MET: variants seen among roughly 807,000 people sequenced by gnomAD.
MET encodes the protein MET proto-oncogene, receptor tyrosine kinase.
Under a neutral mutation model 133.1 loss-of-function variants are expected in MET, and 48 were observed. That is an observed-to-expected ratio of 0.36 (90% CI 0.29 to 0.46). The LOEUF is 0.46. Among genes scored for constraint, MET ranks in the 20% least tolerant of loss-of-function variants. The probability of loss-of-function intolerance (pLI) is 1.00; values close to 1 mark genes in which losing one functional copy is unlikely to be tolerated. For synonymous variants in MET, 628 were observed against 616.5 expected (o/e 1.02, Z -0.28); for missense variants, 1,442 against 1,695.9 (o/e 0.85, Z 2.63).
rs747390610 is a variant in MET at position 116,755,354 on chromosome 7, G to C, written c.1702-1G>C. On this transcript the variant is annotated splice_acceptor_variant, in intron 5 of 20. Transcript: ENST00000397752. LOFTEE classifies it high-confidence loss of function. ...TTAAAAGTTCTATGTTGTCCTTGTA[G>C]GTTTTCCCAAATAGTGCACCCCTTG... 1 of 1,613,926 alleles carries C rather than the reference G, an allele frequency of 6.2e-7. No individual in the cohort carries two copies.
intron 5 of MET, among the ~76,000 whole-genome samples, chr7:116,754,995 A>T: frequency 6.8e-6 from 1 of 146,324 alleles, no homozygotes; most frequent in African/African-American, 2.5e-5. Flanking sequence ...AAAGAAAGAA[A>T]GAAAGAAAGA....
At chr7:116,795,860 T>C (rs1206306034) in intron 20 of MET, 27 bp from the exon 21 acceptor site, 2 of 1,614,096 alleles carry the variant, frequency 1.2e-6, no homozygotes, top group Non-Finnish European at 1.7e-6. Flanking sequence ...AAGGGTCTCT[T>C]ACAGCATGTC....
intron 19 of MET, among the ~76,000 whole-genome samples, chr7:116,785,381 T>A (rs1369656655): frequency 6.6e-6 from 1 of 152,124 alleles, no homozygotes; most frequent in Admixed American, 6.5e-5. Context: ...GGAGCAGGCA[T>A]CTTGCATGGC....
chr7:116,769,885 T>C (rs376745513), intron 12 of MET, 94 bp downstream of exon 12: 3 of 1,571,930 alleles, frequency 1.9e-6, no homozygotes, highest in African/African-American at 1.4e-5. Context: ...AGCTCATTTA[T>C]GTGTGGGTTT....
chr7:116,713,143 C>T (rs1176895443), intron 2 of MET, among the ~76,000 whole-genome samples: 6 of 152,114 alleles, frequency 3.9e-5, no homozygotes, highest in Non-Finnish European at 1.5e-5. Flanking sequence ...CGCCTGTAAT[C>T]CCAGCACTTT....
intron 1 of MET, among the ~76,000 whole-genome samples, chr7:116,679,608 C>G (rs1017801714): frequency 9.2e-5 from 14 of 152,194 alleles, no homozygotes; most frequent in African/African-American, 3.1e-4. Context: ...GCAGCAAGTC[C>G]AAACAGGCTT....
In MET at chr7:116,731,699, C is replaced by T. The variant is rs201154533; in HGVS notation, c.1232C>T (p.Ala411Val). Residue 411 changes from alanine (A) to valine (V), a missense_variant, in exon 3 of 21, where the codon GCG (alanine) becomes GTG (valine). Around this residue, in one of 6 missense-constraint regions of MET, gnomAD observed 762 missense variants for 792.4 expected, o/e 0.96. Transcript: ENST00000397752. ...TLLRNSSGCE[A>V]RRDEYRTEFT... ...CTGAGAAATTCATCAGGCTGTGAAGCGCGCCGTGATGAATATCGAACAGAG... is the reference window on the plus strand; with the variant it reads ...CTGAGAAATTCATCAGGCTGTGAAGTGCGCCGTGATGAATATCGAACAGAG... 9.9e-6 allele frequency: 16 copies of T among 1,613,980 alleles called. No homozygotes were observed. The highest frequency in any genetic ancestry group is 5.3e-5 in the African/African-American group (4 of 74,928).
chr7:116,768,569 TCCCAC>T (rs1794715396), intron 11 of MET, among the ~76,000 whole-genome samples: 1 of 152,200 alleles, frequency 6.6e-6, no homozygotes, highest in South Asian at 2.1e-4. Context: ...AGTATTTTCT[TCCCAC>T]TTCTTTTCCT....
intron 14 of MET, among the ~76,000 whole-genome samples, chr7:116,774,214 A>G (rs993178028): frequency 4.6e-5 from 7 of 152,306 alleles, no homozygotes; most frequent in Middle Eastern, 6.8e-3. Flanking sequence ...TTTGGTTATA[A>G]AGATCAACTT....
intron 3 of MET, among the ~76,000 whole-genome samples, chr7:116,739,301 C>T (rs535011703): frequency 6.6e-6 from 1 of 152,278 alleles, no homozygotes; most frequent in East Asian, 1.9e-4. Context: ...ACCTCATTTC[C>T]CGGGCATTGT....
chr7:116,709,750 C>T (rs928102594), intron 2 of MET, among the ~76,000 whole-genome samples: 10 of 152,090 alleles, frequency 6.6e-5, no homozygotes, highest in Middle Eastern at 3.4e-3. Context: ...TACAAGAGTA[C>T]ACTGTGTATA....
intron 2 of MET, among the ~76,000 whole-genome samples, chr7:116,726,680 C>T (rs1264264681): frequency 3.3e-5 from 5 of 152,284 alleles, no homozygotes; most frequent in African/African-American, 1.2e-4. Context: ...CTCTGAGATT[C>T]ATTGGATGTC....
chr7:116,695,182 G>A (rs1259496902), intron 1 of MET, among the ~76,000 whole-genome samples: 4 of 152,038 alleles, frequency 2.6e-5, no homozygotes, highest in Non-Finnish European at 5.9e-5. Context: ...ATACCATATT[G>A]ATAAGTGCAG....
At position 116,769,745 on chromosome 7, in the gene MET, C is replaced by T. The variant is rs199502137; in HGVS notation, c.2684C>T (p.Thr895Met). 44 of 1,613,542 alleles carry T rather than the reference C, an allele frequency of 2.7e-5. No individual in the cohort carries two copies. In the African/African-American group the frequency reaches 2.9e-4, roughly 11 times the overall value. Reference protein sequence around the residue: ...IHLHSEAVLCTVPNDLLKLNS... With the variant: ...IHLHSEAVLCMVPNDLLKLNS... ...TTACATTCTGAAGCCGTTTTATGCA[C>T]GGTCCCCAATGACCTGCTGAAATTG... is the stretch of plus-strand genomic sequence containing the variant. Residue 895 changes from threonine (T) to methionine (M), a missense_variant, in exon 12 of 21, where the codon ACG becomes ATG. Physicochemically the swap from Thr to Met is moderately conservative, Grantham distance 81. This residue lies in a region of MET where 514 missense variants were observed against 659.6 expected (regional missense o/e 0.78). Coordinates refer to ENST00000397752, the MANE Select transcript of MET (RefSeq NM_000245.4).
At chr7:116,709,797 G>C (rs764680429) in intron 2 of MET, among the ~76,000 whole-genome samples, 6 of 152,206 alleles carry the variant, frequency 3.9e-5, no homozygotes, top group Admixed American at 6.5e-5. Context: ...TAATAGGAAA[G>C]TGAGACTATT....
In MET at chr7:116,700,160, G is replaced by T. The variant is rs201274041; in HGVS notation, c.1076G>T (p.Arg359Leu). The change falls in exon 2 of 21, where the codon CGA (arginine) becomes CTA (leucine). Residue 359 changes from arginine (R) to leucine (L), a missense_variant. Physicochemically the swap from Arg to Leu is moderately radical, Grantham distance 102. Coordinates refer to ENST00000397752, the MANE Select transcript of MET (RefSeq NM_000245.4). ...CCAGATTCTGCCGAACCAATGGATC[G>T]ATCTGCCATGTGTGCATTCCCTATC... ...SKPDSAEPMDRSAMCAFPIKY... is the reference protein window; with the variant it reads ...SKPDSAEPMDLSAMCAFPIKY... 2 of 1,594,302 alleles carry T rather than the reference G, an allele frequency of 1.3e-6. No homozygotes were observed. The highest frequency in any genetic ancestry group is 1.7e-6 in the Non-Finnish European group (2 of 1,171,296).
At chr7:116,793,234 G>A (rs745751463) in intron 19 of MET, among the ~76,000 whole-genome samples, 4 of 151,806 alleles carry the variant, frequency 2.6e-5, no homozygotes, top group East Asian at 1.9e-4. Flanking sequence ...GAGTGCAGGG[G>A]CGCGATCTCA....
At chr7:116,717,674 T>C (rs761022373) in intron 2 of MET, among the ~76,000 whole-genome samples, 7 of 152,220 alleles carry the variant, frequency 4.6e-5, no homozygotes, top group Non-Finnish European at 7.3e-5. Flanking sequence ...TTTTACAAGA[T>C]AGTACATTTT....
intron 1 of MET, among the ~76,000 whole-genome samples, chr7:116,690,913 A>G (rs1796761051): frequency 1.3e-5 from 2 of 152,232 alleles, no homozygotes; most frequent in South Asian, 4.1e-4. Flanking sequence ...GTGTTTATAA[A>G]TACAGTATTT....
Sources: allele counts gnomAD v4.1 joint callset (sites outside exome capture counted in the v4.1 genomes callset), GRCh38; gene constraint gnomAD v4.1.1; regional missense constraint gnomAD v4.1.1; transcripts MANE v1.5; gene names NCBI Gene and HGNC (gene_info 2026-07-23, HGNC 2026-07-21).